The following CALN1 variants were observed in gnomAD, a reference collection of about 807,000 sequenced individuals.
CALN1 encodes the protein calcium-binding protein 8.
Under a neutral mutation model 30.6 loss-of-function variants are expected in CALN1, and 17 were observed. That is an observed-to-expected ratio of 0.56 (90% CI 0.38 to 0.83). CALN1 has a LOEUF of 0.83. CALN1 is among the 40% of genes least tolerant of loss of function. The pLI, the probability that CALN1 is intolerant of heterozygous loss-of-function variation, is 0.00. For missense variants in CALN1, 291 were observed against 354.9 expected (o/e 0.82, Z 1.45); for synonymous variants, 156 against 131.4 (o/e 1.19, Z -1.28).
chr7:71,938,501 A>G lies in CALN1; in HGVS notation c.501+85156T>C, dbSNP rs561186211. 3.3e-5 allele frequency among the ~76,000 whole-genome samples: 5 copies of G among 152,214 alleles called. No homozygotes were observed. In the East Asian group the frequency reaches 9.7e-4, roughly 29 times the overall value. Reference sequence around the variant, plus strand: ...AAAGAAGAACTGAGAGGAGCATTATAAAAACGTACACAGGGCCGGGCACGG... The same window carrying G: ...AAAGAAGAACTGAGAGGAGCATTATGAAAACGTACACAGGGCCGGGCACGG... On this transcript the variant is annotated intron_variant, in intron 5 of 6. Transcript: ENST00000395275.
chr7:72,096,889 G>C (rs1010524025), intron 4 of CALN1, among the ~76,000 whole-genome samples: 12 of 152,172 alleles, frequency 7.9e-5, no homozygotes, highest in Non-Finnish European at 1.5e-4. Context: ...ATTCACAATA[G>C]CAAAGACCTG....
intron 3 of CALN1, among the ~76,000 whole-genome samples, chr7:72,119,795 G>A (rs912990613): frequency 2.0e-5 from 3 of 151,840 alleles, no homozygotes; most frequent in Non-Finnish European, 2.9e-5. Flanking sequence ...GAAGAGCATG[G>A]GAAAGACCCA....
chr7:72,370,336 G>T (rs1437285705), intron 2 of CALN1, among the ~76,000 whole-genome samples: 1 of 152,054 alleles, frequency 6.6e-6, no homozygotes, highest in African/African-American at 2.4e-5. Context: ...TTGGTAGTCT[G>T]TTTCCTTATT....
chr7:71,818,915 G>T (rs1788428130), intron 5 of CALN1, among the ~76,000 whole-genome samples: 1 of 151,858 alleles, frequency 6.6e-6, no homozygotes, highest in South Asian at 2.1e-4. Context: ...TCACCATATT[G>T]GCCAGGCTGG....
At chr7:71,848,786 A>G (rs1162843140) in intron 5 of CALN1, among the ~76,000 whole-genome samples, 1 of 152,174 alleles carries the variant, frequency 6.6e-6, no homozygotes, top group Admixed American at 6.5e-5. Context: ...GTAAAGTCCA[A>G]TATCGATGAT....
At chr7:72,111,690 C>T (rs1807586346) in intron 3 of CALN1, among the ~76,000 whole-genome samples, 2 of 152,030 alleles carry the variant, frequency 1.3e-5, no homozygotes, top group Admixed American at 1.3e-4. Flanking sequence ...TCAAGCAGTC[C>T]TTCTGCCTCA....
chr7:72,152,335 C>T (rs1192376913), intron 3 of CALN1, among the ~76,000 whole-genome samples: 11 of 152,290 alleles, frequency 7.2e-5, no homozygotes, highest in African/African-American at 2.6e-4. Flanking sequence ...ATGACTGTGG[C>T]TTCAAGGCCT....
At chr7:71,977,365 T>C (rs1377642870) in intron 5 of CALN1, among the ~76,000 whole-genome samples, 2 of 151,518 alleles carry the variant, frequency 1.3e-5, no homozygotes, top group Non-Finnish European at 2.9e-5. Flanking sequence ...AGCCAAGGAG[T>C]TCAAGGCTGC....
intron 2 of CALN1, among the ~76,000 whole-genome samples, chr7:72,345,652 A>G (rs1407977104): frequency 6.6e-6 from 1 of 152,076 alleles, no homozygotes; most frequent in African/African-American, 2.4e-5. Flanking sequence ...ATTGGAGTCT[A>G]TAACCTCCCT....
At chr7:71,847,907 A>G (rs1256575596) in intron 5 of CALN1, among the ~76,000 whole-genome samples, 2 of 152,102 alleles carry the variant, frequency 1.3e-5, no homozygotes, top group Non-Finnish European at 2.9e-5. Context: ...TCTTGCCACC[A>G]CCATGTAAGA....
At chr7:71,988,069 A>T (rs1404070959) in intron 5 of CALN1, among the ~76,000 whole-genome samples, 1 of 150,538 alleles carries the variant, frequency 6.6e-6, no homozygotes, top group African/African-American at 2.5e-5. Flanking sequence ...ACAATGTCTG[A>T]TGACAACGAC....
chr7:72,303,771 A>C (rs1799458033), intron 2 of CALN1, among the ~76,000 whole-genome samples: 1 of 152,076 alleles, frequency 6.6e-6, no homozygotes, highest in African/African-American at 2.4e-5. Context: ...ACACTTTGGG[A>C]GGCCGAGGCA....
chr7:71,923,668 G>C (rs1795099609), intron 5 of CALN1, among the ~76,000 whole-genome samples: 1 of 152,014 alleles, frequency 6.6e-6, no homozygotes, highest in Non-Finnish European at 1.5e-5. Flanking sequence ...CCTGGAGCAG[G>C]GATAACATTC....
At chr7:72,334,130 C>G (rs186067907) in intron 2 of CALN1, among the ~76,000 whole-genome samples, 12 of 152,254 alleles carry the variant, frequency 7.9e-5, no homozygotes, top group Middle Eastern at 3.4e-3. Flanking sequence ...GACATGAGCT[C>G]AAAGGTGTGA....
rs756594096 is a variant in CALN1 at position 72,332,606 on chromosome 7, C to G, written c.120-53796G>C. On this transcript the variant is annotated intron_variant, in intron 2 of 6. Coordinates refer to ENST00000395275, the MANE Select transcript of CALN1 (RefSeq NM_031468.4). ...CCATAGCATCCCCTGGGAGAGACCA[C>G]AAGTCAATTCCTGCCACTGAGATCC... 9.6e-4 allele frequency among the ~76,000 whole-genome samples: 146 copies of G among 152,244 alleles called. 1 individual carries two copies. The highest frequency in any genetic ancestry group is 1.1e-3 in the Non-Finnish European group (72 of 68,004).
At chr7:72,329,752 G>C (rs537777117) in intron 2 of CALN1, among the ~76,000 whole-genome samples, 1 of 149,406 alleles carries the variant, frequency 6.7e-6, no homozygotes, top group Admixed American at 6.7e-5. Flanking sequence ...TCAGGAGTTC[G>C]AGACCAGCGC....
intron 3 of CALN1, among the ~76,000 whole-genome samples, chr7:72,241,425 G>T (rs2129551339): frequency 6.6e-6 from 1 of 152,250 alleles, no homozygotes; most frequent in African/African-American, 2.4e-5. Flanking sequence ...AAAAGGTTCA[G>T]ACCGGGTGCA....
intron 5 of CALN1, among the ~76,000 whole-genome samples, chr7:71,890,331 G>A (rs1000795228): frequency 3.3e-5 from 5 of 152,142 alleles, no homozygotes; most frequent in African/African-American, 1.2e-4. Flanking sequence ...ATGGTGCCTT[G>A]GAAGTTGCTA....
intron 3 of CALN1, among the ~76,000 whole-genome samples, chr7:72,112,005 C>G (rs1313382911): frequency 6.6e-6 from 1 of 152,120 alleles, no homozygotes; most frequent in East Asian, 1.9e-4. Flanking sequence ...CCCCCCTCTG[C>G]TTCCCAAAGT....
Sources: allele counts gnomAD v4.1 joint callset (sites outside exome capture counted in the v4.1 genomes callset), GRCh38; gene constraint gnomAD v4.1.1; transcripts MANE v1.5; gene names NCBI Gene and HGNC (gene_info 2026-07-23, HGNC 2026-07-21).